ANXA8: variants seen among roughly 807,000 people sequenced by gnomAD.
ANXA8 encodes annexin A8.
Under a neutral mutation model 26.8 loss-of-function variants are expected in ANXA8, and 9 were observed. The observed-to-expected ratio is 0.34, with a 90% confidence interval of 0.20 to 0.59. The LOEUF (loss-of-function observed/expected upper bound fraction) is 0.59, where lower values mean the gene tolerates loss of function less well. Ranked by LOEUF, ANXA8 falls within the 20% of genes least tolerant of loss-of-function variation. The probability of loss-of-function intolerance (pLI) is 0.84; values close to 1 mark genes in which losing one functional copy is unlikely to be tolerated. For missense variants in ANXA8, 83 were observed against 238.5 expected (o/e 0.35, Z 4.29); for synonymous variants, 39 against 94.8 (o/e 0.41, Z 3.42).
chr10:47,649,492 T>C, the ANXA8 span, among the ~76,000 whole-genome samples: 1 of 151,368 alleles, frequency 6.6e-6, no homozygotes, highest in Non-Finnish European at 1.5e-5. Flanking sequence ...CACTGCAACC[T>C]CTGCCTCCTG....
chr10:47,757,445 TG>T, the ANXA8 span: 1 of 603,140 alleles, frequency 1.7e-6, no homozygotes, highest in African/African-American at 2.4e-5. Context: ...CACACCCGCA[TG>T]GTCCCCTTTG....
chr10:47,574,082 G>T, the ANXA8 span, among the ~76,000 whole-genome samples: 1 of 74,366 alleles, frequency 1.3e-5, no homozygotes, highest in Non-Finnish European at 3.0e-5. Flanking sequence ...TTTTATGGGG[G>T]GACATAATGG....
At chr10:47,565,211 G>C in the ANXA8 span, 1 of 632,294 alleles carries the variant, frequency 1.6e-6, no homozygotes. Context: ...AGGAATGCAG[G>C]AGCCTCCCCC....
At chr10:47,533,263 A>C in the ANXA8 span, among the ~76,000 whole-genome samples, 1 of 133,974 alleles carries the variant, frequency 7.5e-6, no homozygotes, top group Non-Finnish European at 1.6e-5. Flanking sequence ...TCCTCTCACC[A>C]AAAACCTGTG....
the ANXA8 span, among the ~76,000 whole-genome samples, chr10:47,981,001 T>G: frequency 6.6e-6 from 1 of 151,298 alleles, no homozygotes; most frequent in Admixed American, 6.6e-5. Context: ...ACAAAAGACA[T>G]TCTAAGAGAA....
the ANXA8 span, among the ~76,000 whole-genome samples, chr10:47,566,836 C>T: frequency 5.1e-3 from 669 of 130,744 alleles, no homozygotes; most frequent in African/African-American, 0.019. Flanking sequence ...TGCGGCCCTC[C>T]CTTCTCCTTT....
the ANXA8 span, among the ~76,000 whole-genome samples, chr10:47,573,407 A>G: frequency 6.8e-6 from 1 of 147,732 alleles, no homozygotes; most frequent in African/African-American, 2.5e-5. Context: ...CTGGGATTAC[A>G]GGTGTAAGCC....
the ANXA8 span, among the ~76,000 whole-genome samples, chr10:47,587,218 T>A: frequency 5.7e-4 from 75 of 132,646 alleles, 2 homozygotes; most frequent in South Asian, 2.0e-3. Context: ...AAAAAAAAAA[T>A]AAAAATTCCT....
At chr10:47,664,396 T>A in the ANXA8 span, among the ~76,000 whole-genome samples, 1 of 150,454 alleles carries the variant, frequency 6.6e-6, no homozygotes, top group African/African-American at 2.5e-5. Context: ...AATAAATAAA[T>A]AATAAAAATA....
chr10:47,737,410 ACTATTGATTT>A, the ANXA8 span, among the ~76,000 whole-genome samples: 1 of 150,186 alleles, frequency 6.7e-6, no homozygotes. Context: ...TTGTCCCAAC[ACTATTGATTT>A]CTTTCTTTCC....
the ANXA8 span, among the ~76,000 whole-genome samples, chr10:47,959,213 G>A: frequency 6.8e-6 from 1 of 146,986 alleles, no homozygotes; most frequent in Admixed American, 6.7e-5. Flanking sequence ...GGCCTAGGGA[G>A]TTCCAGATGT....
the ANXA8 span, among the ~76,000 whole-genome samples, chr10:47,981,008 A>G: frequency 7.4e-4 from 112 of 151,534 alleles, no homozygotes; most frequent in African/African-American, 2.6e-3. Context: ...ACATTCTAAG[A>G]GAACACAGCA....
the ANXA8 span, among the ~76,000 whole-genome samples, chr10:47,557,003 C>CTTT: frequency 9.7e-3 from 1,097 of 113,382 alleles, 38 homozygotes; most frequent in African/African-American, 0.033. Flanking sequence ...TATTTTCTTT[C>CTTT]TTTTTTTTTT....
At chr10:47,653,776 C>T in the ANXA8 span, among the ~76,000 whole-genome samples, 1 of 148,484 alleles carries the variant, frequency 6.7e-6, no homozygotes, top group Non-Finnish European at 1.5e-5. Flanking sequence ...TCCAGAGTAG[C>T]TGGTATTACA....
At chr10:47,513,741 T>C in the ANXA8 span, among the ~76,000 whole-genome samples, 1 of 138,892 alleles carries the variant, frequency 7.2e-6, no homozygotes, top group Non-Finnish European at 1.6e-5. Context: ...CAAATACCTA[T>C]AGCCAACTGA....
chr10:47,660,421 G>T, the ANXA8 span, among the ~76,000 whole-genome samples: 1 of 150,536 alleles, frequency 6.6e-6, no homozygotes, highest in Non-Finnish European at 1.5e-5. Flanking sequence ...TTTTTAAATT[G>T]AGACAGTCTC....
chr10:47,564,828 T>A, the ANXA8 span: 4 of 934,026 alleles, frequency 4.3e-6, 1 homozygote, highest in South Asian at 5.4e-5. Context: ...ATAAGCTACG[T>A]CCTCTATGCC....
At chr10:47,621,326 C>A in the ANXA8 span, among the ~76,000 whole-genome samples, 1 of 111,086 alleles carries the variant, frequency 9.0e-6, no homozygotes. Context: ...AGGATTTGTG[C>A]AAGACACTTA....
chr10:47,985,385 C>T, the ANXA8 span: 1 of 136,338 alleles, frequency 7.3e-6, no homozygotes, highest in Non-Finnish European at 1.6e-5. Context: ...CACACAGCCA[C>T]TCCCAAAAAT....
Sources: gnomAD v4.1 joint callset for allele counts (sites outside exome capture counted in the v4.1 genomes callset) on GRCh38, gnomAD v4.1.1 for gene constraint, MANE v1.5 for transcripts, NCBI Gene and HGNC (gene_info 2026-07-23, HGNC 2026-07-21) for gene names.